Variants in DPH6 observed in about 807,000 individuals in gnomAD.
DPH6 encodes diphthamine biosynthesis 6, also known as diphthine--ammonia ligase.
A neutral mutation model predicts 38.2 loss-of-function variants in DPH6; 33 were observed. The ratio of observed to expected loss-of-function variants is 0.86; its 90% CI spans 0.65 to 1.15. The LOEUF (loss-of-function observed/expected upper bound fraction) is 1.15. Ranked by LOEUF, DPH6 falls within the 50% of genes most tolerant of loss-of-function variation. DPH6 has a pLI of 0.00. For missense variants in DPH6, 325 were observed against 320.0 expected, an observed-to-expected ratio of 1.02 and a Z score of -0.12; for synonymous variants, 108 against 103.0, an observed-to-expected ratio of 1.05 and a Z score of -0.30.
intron 3 of DPH6, among the ~76,000 whole-genome samples, chr15:35,506,581 A>G (rs1189602942): frequency 6.6e-6 from 1 of 152,190 alleles, no homozygotes; most frequent in Admixed American, 6.5e-5. Context: ...CTGTACTGGT[A>G]TAAAAGAGAA....
chr15:35,408,311 T>G (rs2053321800), intron 6 of DPH6, among the ~76,000 whole-genome samples: 1 of 151,996 alleles, frequency 6.6e-6, no homozygotes, highest in South Asian at 2.1e-4. Context: ...CAACAGGAAT[T>G]CTTTGGGAAA....
At chr15:35,277,765 C>CT (rs2051869166) in intron 3 of DPH6, among the ~76,000 whole-genome samples, 1 of 152,266 alleles carries the variant, frequency 6.6e-6, no homozygotes, top group South Asian at 2.1e-4. Context: ...TTGCAAAGAA[C>CT]TTGGCTGCAT....
At chr15:35,260,035 A>AT (rs2051735721) in intron 3 of DPH6, among the ~76,000 whole-genome samples, 1 of 152,214 alleles carries the variant, frequency 6.6e-6, no homozygotes, top group Non-Finnish European at 1.5e-5. Flanking sequence ...GATAATTACT[A>AT]TTTTAGAGTA....
intron 6 of DPH6, chr15:35,401,718 T>C: frequency 1.4e-6 from 1 of 727,322 alleles, no homozygotes. Flanking sequence ...CCAAGGTGGC[T>C]ATGGTGGTTC....
chr15:35,223,260 A>G (rs2051454485), intron 3 of DPH6, among the ~76,000 whole-genome samples: 1 of 152,198 alleles, frequency 6.6e-6, no homozygotes, highest in South Asian at 2.1e-4. Flanking sequence ...AGGGCAAGAA[A>G]ACGAGCAAGA....
chr15:35,176,426 C>T, the DPH6 span, among the ~76,000 whole-genome samples: 2 of 151,920 alleles, frequency 1.3e-5, no homozygotes, highest in African/African-American at 4.8e-5. Context: ...ATCTTCATTC[C>T]CACCTTGTCA....
At chr15:35,542,950 A>ATATATATATATATATATATATATG (rs2055280639) in intron 1 of DPH6, among the ~76,000 whole-genome samples, 1 of 107,442 alleles carries the variant, frequency 9.3e-6, no homozygotes, top group Non-Finnish European at 1.9e-5. Context: ...TAAGGAATAT[A>ATATATATATATATATATATATATG]TATATATATA....
chr15:35,400,283 G>A (rs1595531766), intron 6 of DPH6, among the ~76,000 whole-genome samples: 1 of 152,202 alleles, frequency 6.6e-6, no homozygotes, highest in African/African-American at 2.4e-5. Context: ...TGACTTAGCT[G>A]TGTATTGGGC....
intron 3 of DPH6, among the ~76,000 whole-genome samples, chr15:35,481,392 G>A (rs1428509951): frequency 1.3e-5 from 2 of 152,146 alleles, no homozygotes; most frequent in African/African-American, 4.8e-5. Context: ...AAAGATTACA[G>A]AAGATTATAG....
intron 3 of DPH6, among the ~76,000 whole-genome samples, chr15:35,265,594 G>A (rs1285853432): frequency 6.6e-6 from 1 of 152,116 alleles, no homozygotes; most frequent in African/African-American, 2.4e-5. Context: ...GAAGGTGTTA[G>A]CACCCAGCAA....
the DPH6 span, among the ~76,000 whole-genome samples, chr15:35,161,381 C>G: frequency 2.6e-5 from 4 of 151,424 alleles, no homozygotes; most frequent in African/African-American, 9.7e-5. Context: ...TACCTCCCAC[C>G]TCAAACTCTC....
chr15:35,269,110 T>C (rs2051804123), intron 3 of DPH6, among the ~76,000 whole-genome samples: 1 of 152,168 alleles, frequency 6.6e-6, no homozygotes. Flanking sequence ...CCTATAAAAA[T>C]AGAAAACATA....
chr15:35,342,857 A>G (rs550645741), intron 3 of DPH6, among the ~76,000 whole-genome samples: 1 of 152,272 alleles, frequency 6.6e-6, no homozygotes, highest in South Asian at 2.1e-4. Context: ...ATCTTATTTT[A>G]TTCTTTAAGA....
chr15:35,446,421 G>A (rs948206943), intron 5 of DPH6, among the ~76,000 whole-genome samples: 1 of 151,762 alleles, frequency 6.6e-6, no homozygotes, highest in Non-Finnish European at 1.5e-5. Context: ...TATAGGCATA[G>A]GTCTCCCTAT....
At chr15:35,343,392 G>A (rs935931947) in intron 3 of DPH6, among the ~76,000 whole-genome samples, 11 of 152,038 alleles carry the variant, frequency 7.2e-5, no homozygotes, top group Non-Finnish European at 1.0e-4. Context: ...ATTCACCAAT[G>A]AGTTATCTCT....
rs183672380 is a variant in DPH6 at position 35,398,554 on chromosome 15, C to T, written c.567+12281G>A. Reference sequence around the variant, plus strand: ...GAGAGACAGCCTGGAAGCTCTGTGCCGCCTTCCTACATACATTGCCCTATG... The same window carrying T: ...GAGAGACAGCCTGGAAGCTCTGTGCTGCCTTCCTACATACATTGCCCTATG... On this transcript the variant is annotated intron_variant, in intron 6 of 8. Transcript: ENST00000256538. Among the ~76,000 whole-genome samples, 484 of 152,290 alleles carry T rather than the reference C, an allele frequency of 3.2e-3. 5 individuals are homozygous for T. In the South Asian group the frequency reaches 0.049, roughly 16 times the overall value.
At chr15:35,411,038 T>C in intron 5 of DPH6, 142 bp from the exon 6 acceptor site, 1 of 652,202 alleles carries the variant, frequency 1.5e-6, no homozygotes, top group Non-Finnish European at 2.4e-6. Context: ...TAAAATGTAC[T>C]TTGCTAGTAT....
At chr15:35,474,155 T>A (rs2054236481) in intron 3 of DPH6, among the ~76,000 whole-genome samples, 1 of 152,102 alleles carries the variant, frequency 6.6e-6, no homozygotes, top group African/African-American at 2.4e-5. Flanking sequence ...ACATCAACAA[T>A]GGCAAAATCC....
rs1255096001 is a variant in DPH6 at position 35,518,539 on chromosome 15, T to C, written c.312+19735A>G. On this transcript the variant is annotated intron_variant, in intron 3 of 8. Coordinates refer to ENST00000256538, the MANE Select transcript of DPH6 (RefSeq NM_080650.4). ...TCAGTTTTCACACATTGCTAAATACTGGTTTGTGGGTAAATTTCTACTAAA... is the reference window on the plus strand; with the variant it reads ...TCAGTTTTCACACATTGCTAAATACCGGTTTGTGGGTAAATTTCTACTAAA... Among the ~76,000 whole-genome samples the C allele has an allele frequency of 3.3e-5, 5 of 152,030 alleles. No individual in the cohort carries two copies. In the East Asian group the frequency reaches 7.7e-4, roughly 23 times the overall value.
Sources: allele counts gnomAD v4.1 joint callset (sites outside exome capture counted in the v4.1 genomes callset), GRCh38; gene constraint gnomAD v4.1.1; transcripts MANE v1.5; gene names NCBI Gene and HGNC (gene_info 2026-07-23, HGNC 2026-07-21).